The following CSPP1 variants were observed in gnomAD, a reference collection of about 807,000 sequenced individuals.
CSPP1 encodes the protein centrosome and spindle pole associated protein 1, also known as centrosome and spindle pole-associated protein 1.
Under a neutral mutation model 164.4 loss-of-function variants are expected in CSPP1, and 126 were observed. The observed-to-expected ratio is 0.77, with a 90% CI of 0.66 to 0.89. The LOEUF (loss-of-function observed/expected upper bound fraction) is 0.89. Ranked by LOEUF, CSPP1 falls within the 40% of genes least tolerant of loss-of-function variation. CSPP1 has a pLI of 0.00. For missense variants in CSPP1, 1,395 were observed against 1,449.8 expected, an observed-to-expected ratio of 0.96 and a Z score of 0.61; for synonymous variants, 472 against 476.7, an observed-to-expected ratio of 0.99 and a Z score of 0.13.
At position 67,111,837 on chromosome 8, in the gene CSPP1, A is replaced by G. The variant is rs12549615; in HGVS notation, c.1094-135A>G. 7.1e-3 allele frequency: 3,536 copies of G among 499,534 alleles called. 88 individuals carry two copies. Among genetic ancestry groups the G allele is most frequent in the East Asian group, 0.062 (1,842 of 29,814 alleles). The allele number at this position is 499,534 out of a possible 1,614,324, so 30.9% of individuals were successfully genotyped here. On this transcript the variant is annotated intron_variant, in intron 9 of 30. Coordinates refer to ENST00000678616, the MANE Select transcript of CSPP1 (RefSeq NM_001382391.1). ...AATTGAAGAAGGACTGATTCATGTG[A>G]TTTTTTTCCTTCTGTATTTCTTGCA...
chr8:67,162,154 C>T (rs897117642), intron 22 of CSPP1, among the ~76,000 whole-genome samples: 13 of 152,104 alleles, frequency 8.5e-5, no homozygotes, highest in African/African-American at 2.9e-4. Flanking sequence ...TAGATATGCT[C>T]ATTGAGTCTG....
chr8:67,144,048 T>A (rs1824016202), intron 17 of CSPP1, among the ~76,000 whole-genome samples: 1 of 152,238 alleles, frequency 6.6e-6, no homozygotes, highest in African/African-American at 2.4e-5. Flanking sequence ...TCTTTCACCA[T>A]TAAGTTAGCT....
intron 3 of CSPP1, among the ~76,000 whole-genome samples, chr8:67,077,290 A>G (rs1480751538): frequency 1.3e-5 from 2 of 151,600 alleles, no homozygotes; most frequent in Middle Eastern, 3.5e-3. Context: ...AAGTACTACA[A>G]TTACAGGCCT....
intron 21 of CSPP1, among the ~76,000 whole-genome samples, chr8:67,160,336 G>T (rs1431635136): frequency 6.6e-6 from 1 of 151,834 alleles, no homozygotes; most frequent in Middle Eastern, 3.4e-3. Context: ...GTGGTGGCAG[G>T]CACCTGTAGT....
At chr8:67,155,059 T>C (rs1826419934) in intron 19 of CSPP1, among the ~76,000 whole-genome samples, 1 of 152,198 alleles carries the variant, frequency 6.6e-6, no homozygotes. Flanking sequence ...CTGCCCAGAC[T>C]ATTCGCAAAG....
In CSPP1 at chr8:67,109,010, T is replaced by A. The variant is rs1816258895; in HGVS notation, c.1094-2962T>A. Among the ~76,000 whole-genome samples, 7 of 152,250 alleles carry A rather than the reference T, an allele frequency of 4.6e-5. No individual in the cohort carries two copies. The South Asian group carries it at 1.4e-3, about 31-fold the overall frequency. On this transcript the variant is annotated intron_variant, in intron 9 of 30. Coordinates refer to ENST00000678616, the MANE Select transcript of CSPP1 (RefSeq NM_001382391.1). ...CTTTCAGGTCTTCTGTATTGTTTGATCCCAGTTTTTCTAGTGAACATTTGA... is the reference window on the plus strand; with the variant it reads ...CTTTCAGGTCTTCTGTATTGTTTGAACCCAGTTTTTCTAGTGAACATTTGA...
At chr8:67,131,652 GC>G (rs1292840740) in intron 15 of CSPP1, among the ~76,000 whole-genome samples, 1 of 152,162 alleles carries the variant, frequency 6.6e-6, no homozygotes, top group Non-Finnish European at 1.5e-5. Context: ...TGTTCAGGAA[GC>G]CGCCTAAGTC....
intron 5 of CSPP1, among the ~76,000 whole-genome samples, chr8:67,092,406 A>C (rs1811797635): frequency 6.6e-6 from 1 of 152,214 alleles, no homozygotes; most frequent in African/African-American, 2.4e-5. Context: ...ATATAAGACA[A>C]AATGGACAGT....
intron 17 of CSPP1, among the ~76,000 whole-genome samples, chr8:67,140,013 A>G (rs1254974888): frequency 6.6e-6 from 1 of 152,122 alleles, no homozygotes; most frequent in Non-Finnish European, 1.5e-5. Flanking sequence ...ATTCTTATGT[A>G]TTATGCCTTT....
intron 6 of CSPP1, 25 bp downstream of exon 6, chr8:67,093,666 C>G (rs1294630970): frequency 2.4e-6 from 3 of 1,237,596 alleles, no homozygotes; most frequent in Non-Finnish European, 3.6e-6. Flanking sequence ...TGAATTAAAT[C>G]TGTACTACTA....
intron 9 of CSPP1, among the ~76,000 whole-genome samples, chr8:67,108,360 C>T (rs1170179833): frequency 6.6e-6 from 1 of 151,520 alleles, no homozygotes. Context: ...CGTGATTGTG[C>T]CACTGTACTC....
At chr8:67,172,260 C>T (rs1023183999) in intron 24 of CSPP1, among the ~76,000 whole-genome samples, 156 bp from the exon 25 acceptor site, 3 of 150,262 alleles carry the variant, frequency 2.0e-5, no homozygotes, top group African/African-American at 7.4e-5. Context: ...TCCCAAAGTG[C>T]TGGGATTACA....
At chr8:67,130,849 G>A (rs558844021) in intron 15 of CSPP1, among the ~76,000 whole-genome samples, 14 of 152,070 alleles carry the variant, frequency 9.2e-5, no homozygotes, top group East Asian at 7.8e-4. Context: ...TTAGCCGGGC[G>A]TGGTGGCGGG....
intron 22 of CSPP1, among the ~76,000 whole-genome samples, chr8:67,162,949 A>T (rs549604063): frequency 2.0e-5 from 3 of 152,286 alleles, no homozygotes; most frequent in South Asian, 4.1e-4. Context: ...CCATCAACAT[A>T]TTGGTGCTTG....
intron 13 of CSPP1, among the ~76,000 whole-genome samples, chr8:67,116,416 T>C (rs1262456172): frequency 6.6e-6 from 1 of 152,242 alleles, no homozygotes; most frequent in Non-Finnish European, 1.5e-5. Context: ...TGATATCTTT[T>C]AACATATAAA....
chr8:67,154,309 ATAAAC>A (rs1475132122), intron 19 of CSPP1, among the ~76,000 whole-genome samples, 173 bp downstream of exon 19: 1 of 152,200 alleles, frequency 6.6e-6, no homozygotes, highest in Non-Finnish European at 1.5e-5. Flanking sequence ...TTTCAAGGAA[ATAAAC>A]AGATGTATTA....
intron 28 of CSPP1, among the ~76,000 whole-genome samples, chr8:67,186,848 A>T (rs755046710): frequency 6.6e-6 from 1 of 152,230 alleles, no homozygotes; most frequent in Non-Finnish European, 1.5e-5. Context: ...TGAATATATA[A>T]AAGTCAGTCA....
At chr8:67,172,633 C>T (rs1830700263) in intron 25 of CSPP1, 78 bp downstream of exon 25, 4 of 1,245,478 alleles carry the variant, frequency 3.2e-6, no homozygotes, top group South Asian at 1.8e-5. Context: ...GATCTTTGTA[C>T]CCTTTTTCTA....
At chr8:67,124,658 T>C (rs991355121) in intron 15 of CSPP1, among the ~76,000 whole-genome samples, 1 of 151,910 alleles carries the variant, frequency 6.6e-6, no homozygotes. Flanking sequence ...ATACCACCAA[T>C]GCTCAGCTAA....
Sources: gnomAD v4.1 joint callset for allele counts (sites outside exome capture counted in the v4.1 genomes callset) on GRCh38, gnomAD v4.1.1 for gene constraint, MANE v1.5 for transcripts, NCBI Gene and HGNC (gene_info 2026-07-23, HGNC 2026-07-21) for gene names.